The following TTLL9 variants were observed in gnomAD, a reference collection of about 807,000 sequenced individuals.
TTLL9 encodes probable tubulin polyglutamylase TTLL9.
A neutral mutation model predicts 65.6 loss-of-function variants in TTLL9; 47 were observed. The observed-to-expected ratio is 0.72, with a 90% CI of 0.57 to 0.91. TTLL9 has a LOEUF of 0.91. Among genes scored for constraint, TTLL9 ranks in the 40% least tolerant of loss-of-function variants. The probability of loss-of-function intolerance (pLI) is 0.00; values close to 1 mark genes in which losing one functional copy is unlikely to be tolerated. For missense variants in TTLL9, 537 were observed against 568.8 expected (o/e 0.94, Z 0.57); for synonymous variants, 179 against 204.8 (o/e 0.87, Z 1.07).
intron 2 of TTLL9, among the ~76,000 whole-genome samples, chr20:31,882,567 T>C (rs1189838294): frequency 6.6e-6 from 1 of 152,210 alleles, no homozygotes; most frequent in Non-Finnish European, 1.5e-5. Flanking sequence ...AGTTCTCTGT[T>C]TGTAGCCCAT....
chr20:31,871,060 T>C, intron 1 of TTLL9, 62 bp from the exon 2 acceptor site: 1 of 1,491,304 alleles, frequency 6.7e-7, no homozygotes, highest in Non-Finnish European at 9.4e-7. Context: ...CATTCACTCG[T>C]CCATCTTCCC....
intron 4 of TTLL9, among the ~76,000 whole-genome samples, chr20:31,900,684 C>A (rs1260005624): frequency 1.3e-5 from 2 of 152,148 alleles, no homozygotes; most frequent in Non-Finnish European, 2.9e-5. Flanking sequence ...ATGCTAATAT[C>A]CGCACAGGGT....
rs749750761 is a variant in TTLL9 at position 31,887,215 on chromosome 20, A to T, written c.89A>T (p.His30Leu). The T allele has an allele frequency of 1.1e-5, 17 of 1,614,118 alleles. No homozygotes were observed. The East Asian group carries it at 3.8e-4, about 36-fold the overall frequency. The stretch of plus-strand genomic sequence containing the variant: ...TTGCAGAACCAAAATTACAAGGGCC[A>T]TGGATTGTCAAAGGGAAAAGAGCGG... ...KKLQNQNYKGHGLSKGKEREQ... is the reference protein window; with the variant it reads ...KKLQNQNYKGLGLSKGKEREQ... Residue 30 changes from histidine to leucine, a missense_variant, in exon 3 of 15, where the codon CAT becomes CTT. Coordinates refer to ENST00000535842, the MANE Select transcript of TTLL9 (RefSeq NM_001008409.5).
At chr20:31,937,960 A>C (rs544755582) in intron 13 of TTLL9, among the ~76,000 whole-genome samples, 2 of 151,940 alleles carry the variant, frequency 1.3e-5, no homozygotes, top group African/African-American at 2.4e-5. Context: ...AAAAAAAAAA[A>C]AACCCAGAGC....
chr20:31,900,182 G>A (rs1439519353), intron 4 of TTLL9, among the ~76,000 whole-genome samples: 4 of 152,184 alleles, frequency 2.6e-5, no homozygotes, highest in Non-Finnish European at 4.4e-5. Flanking sequence ...GCCCTGCTGC[G>A]TGGTGCTCAG....
chr20:31,899,427 C>G (rs1890600533), intron 4 of TTLL9, among the ~76,000 whole-genome samples: 1 of 152,100 alleles, frequency 6.6e-6, no homozygotes, highest in Admixed American at 6.5e-5. Flanking sequence ...TCCAGGAGTT[C>G]AAGACCAACC....
chr20:31,934,614 G>A (rs977698617), intron 11 of TTLL9, 78 bp from the exon 12 acceptor site: 3 of 1,309,476 alleles, frequency 2.3e-6, no homozygotes, highest in African/African-American at 2.9e-5. Flanking sequence ...AACACTGAGA[G>A]CAATTGTGTA....
At chr20:31,873,850 AAGAAAGAAAGAAAGAAAGAAAG>A (rs1488015326) in intron 2 of TTLL9, among the ~76,000 whole-genome samples, 2 of 149,478 alleles carry the variant, frequency 1.3e-5, no homozygotes, top group East Asian at 4.0e-4. Context: ...GAAAGAAAGA[AAGAAAGAAAGAAAGAAAGAAAG>A]AAAGAAAGAA....
At chr20:31,930,631 A>G (rs2063992866) in intron 10 of TTLL9, among the ~76,000 whole-genome samples, 1 of 152,130 alleles carries the variant, frequency 6.6e-6, no homozygotes, top group Non-Finnish European at 1.5e-5. Flanking sequence ...CTGATTCTTT[A>G]ATTTTTGCAT....
chr20:31,930,991 A>G (rs114477841), intron 10 of TTLL9, among the ~76,000 whole-genome samples: 1,618 of 151,864 alleles, frequency 0.011, 29 homozygotes, highest in African/African-American at 0.037. Flanking sequence ...TGAAGTGTGA[A>G]GTTCTGGGAG....
chr20:31,905,786 C>T (rs891986320), intron 4 of TTLL9, among the ~76,000 whole-genome samples: 9 of 152,122 alleles, frequency 5.9e-5, no homozygotes, highest in African/African-American at 2.2e-4. Flanking sequence ...ATAATCCCAG[C>T]GCTTTGGGAG....
chr20:31,870,642 G>C lies in TTLL9; in HGVS notation c.-313G>C. 3.1e-6 allele frequency: 4 copies of C among 1,299,476 alleles called. No individual in the cohort carries two copies. The highest frequency in any genetic ancestry group is 3.9e-6 in the Non-Finnish European group (4 of 1,018,760). 80.5% of individuals were successfully genotyped at this position (1,299,476 alleles called of 1,614,324 possible). On this transcript the variant is annotated 5_prime_UTR_variant, in exon 1 of 15. Transcript: ENST00000535842. The surrounding 1 kb of genome is among the most constrained non-coding windows in gnomAD (Gnocchi z 6.6). ...GGGCCGGACAAAGCCCCAGTGTGCC[G>C]GGCCCACGGCCCGCGGGACAACGGC...
At chr20:31,890,585 G>A (rs934745141) in intron 3 of TTLL9, among the ~76,000 whole-genome samples, 3 of 152,220 alleles carry the variant, frequency 2.0e-5, no homozygotes, top group Non-Finnish European at 4.4e-5. Flanking sequence ...GGTAATTCCA[G>A]TGAGCACTGA....
At chr20:31,902,095 T>C (rs1017298206) in intron 4 of TTLL9, among the ~76,000 whole-genome samples, 4 of 146,016 alleles carry the variant, frequency 2.7e-5, no homozygotes, top group African/African-American at 1.1e-4. Flanking sequence ...CACAAAGTTG[T>C]GTAATCATCA....
intron 6 of TTLL9, among the ~76,000 whole-genome samples, chr20:31,911,838 G>C (rs1369177997): frequency 3.3e-5 from 1 of 30,326 alleles, no homozygotes; most frequent in African/African-American, 1.3e-4. Context: ...GTGCGTGTGT[G>C]TGTGTGTGTG....
chr20:31,896,608 CAACCT>C lies in TTLL9; in HGVS notation c.114-1864_114-1860del, dbSNP rs1442643988. On this transcript the variant is annotated intron_variant, in intron 3 of 14. Coordinates refer to ENST00000535842, the MANE Select transcript of TTLL9 (RefSeq NM_001008409.5). ...GCAGTGGTGCTATCTCGGCTCACTG[CAACCT>C]CTGCCTCCCCAATTCAAGCGATTCT... 2.0e-5 allele frequency among the ~76,000 whole-genome samples: 3 copies of C among 152,070 alleles called. No homozygotes were observed. The East Asian group carries it at 5.8e-4, about 29-fold the overall frequency.
intron 13 of TTLL9, 29 bp downstream of exon 13, chr20:31,937,538 C>T (rs1425179149): frequency 9.0e-6 from 14 of 1,562,698 alleles, no homozygotes; most frequent in East Asian, 6.8e-5. Context: ...GATCACATGT[C>T]CTTGTACATG....
At chr20:31,933,638 C>A (rs1055189990) in intron 10 of TTLL9, among the ~76,000 whole-genome samples, 162 bp from the exon 11 acceptor site, 1 of 152,166 alleles carries the variant, frequency 6.6e-6, no homozygotes, top group Admixed American at 6.5e-5. Context: ...AAGATGCAGG[C>A]AGGATTTGAA....
rs55996863 is a variant in TTLL9 at position 31,911,831 on chromosome 20, C to CGTGTGT, written c.504+1948_504+1953dup. Among the ~76,000 whole-genome samples, 518 of 142,316 alleles carry CGTGTGT rather than the reference C, an allele frequency of 3.6e-3. 2 individuals carry two copies. The highest frequency in any genetic ancestry group is 7.0e-3 in the African/African-American group (264 of 37,952). The allele number at this position is 142,316 out of a possible 152,430, so 93.4% of individuals were successfully genotyped here. A position where few individuals can be genotyped will look rare whatever the true frequency, so the allele number is the denominator to read the frequency against. ...GGCATCTTGGCTCGGTGTGTCTGTG[C>CGTGTGT]GTGTGTGTGTGTGTGTGTGTGTGTG... On this transcript the variant is annotated intron_variant, in intron 6 of 14. Transcript: ENST00000535842.
Sources: gnomAD v4.1 joint callset for allele counts (sites outside exome capture counted in the v4.1 genomes callset) on GRCh38, gnomAD v4.1.1 for gene constraint, Gnocchi (gnomAD v3.1) non-coding constraint, MANE v1.5 for transcripts, NCBI Gene and HGNC (gene_info 2026-07-23, HGNC 2026-07-21) for gene names.